Variants in RIMS2 observed in about 807,000 individuals in gnomAD.
The protein encoded by RIMS2 is regulating synaptic membrane exocytosis 2.
Under a neutral mutation model 174.4 loss-of-function variants are expected in RIMS2, and 59 were observed. The observed-to-expected ratio is 0.34, with a 90% CI of 0.27 to 0.42. The LOEUF is 0.42. Among genes scored for constraint, RIMS2 ranks in the 10% least tolerant of loss-of-function variants. The probability of loss-of-function intolerance (pLI) is 1.00; values close to 1 mark genes in which losing one functional copy is unlikely to be tolerated. For synonymous variants in RIMS2, 606 were observed against 572.5 expected, an observed-to-expected ratio of 1.06 and a Z score of -0.84; for missense variants, 1,620 against 1,666.3, an observed-to-expected ratio of 0.97 and a Z score of 0.48.
chr8:103,820,113 G>C (rs1337598828), intron 3 of RIMS2, among the ~76,000 whole-genome samples: 1 of 152,056 alleles, frequency 6.6e-6, no homozygotes, highest in East Asian at 1.9e-4. Context: ...ATATATTGTG[G>C]AACCGCGAAT....
chr8:103,631,008 T>C (rs1000536974), intron 1 of RIMS2, among the ~76,000 whole-genome samples: 2 of 152,248 alleles, frequency 1.3e-5, no homozygotes, highest in African/African-American at 4.8e-5. Flanking sequence ...TACTTGTAGA[T>C]GTTGGATATT....
chr8:103,914,715 G>C (rs541998648), intron 6 of RIMS2, among the ~76,000 whole-genome samples: 9 of 152,216 alleles, frequency 5.9e-5, no homozygotes, highest in African/African-American at 1.9e-4. Flanking sequence ...ACTCTATTTA[G>C]AAGAGAAAAA....
At chr8:103,705,703 T>A (rs2097216586) in intron 2 of RIMS2, among the ~76,000 whole-genome samples, 1 of 152,032 alleles carries the variant, frequency 6.6e-6, no homozygotes, top group African/African-American at 2.4e-5. Flanking sequence ...ATAATGCCAT[T>A]TTTACAGTTT....
rs183993225 is a variant in RIMS2, at chr8:103,653,231, A to G, written c.177-43855A>G. On this transcript the variant is annotated intron_variant, in intron 1 of 23. Coordinates refer to ENST00000504942, the Ensembl canonical transcript of RIMS2. The stretch of plus-strand genomic sequence containing the variant: ...TTTTTACTAAACATTTCATTAGGTT[A>G]TGAAACATAATTTGGGAAATGTGGC... Among the ~76,000 whole-genome samples, 240 of 152,330 alleles carry G rather than the reference A, an allele frequency of 1.6e-3. 2 individuals carry two copies. The highest frequency in any genetic ancestry group is 5.2e-3 in the African/African-American group (218 of 41,580).
chr8:103,858,992 G>A (rs1419994279), intron 3 of RIMS2, among the ~76,000 whole-genome samples: 4 of 151,992 alleles, frequency 2.6e-5, no homozygotes, highest in East Asian at 3.9e-4. Flanking sequence ...ATTAAGGTTC[G>A]AATTAATTTT....
chr8:103,717,116 G>C (rs1309729700), intron 2 of RIMS2, among the ~76,000 whole-genome samples: 1 of 143,810 alleles, frequency 7.0e-6, no homozygotes, highest in Non-Finnish European at 1.5e-5. Flanking sequence ...TCATTCAGCT[G>C]ATAGTTTCTA....
At chr8:103,904,646 T>A (rs1353228739) in intron 4 of RIMS2, among the ~76,000 whole-genome samples, 1 of 152,088 alleles carries the variant, frequency 6.6e-6, no homozygotes, top group Non-Finnish European at 1.5e-5. Flanking sequence ...CTTCATTTGG[T>A]CATAGTGTAT....
chr8:103,930,650 T>C (rs887217208), intron 11 of RIMS2, among the ~76,000 whole-genome samples: 2 of 152,106 alleles, frequency 1.3e-5, no homozygotes, highest in African/African-American at 2.4e-5. Flanking sequence ...AAGGATATTA[T>C]TCATCAACTT....
chr8:103,543,841 A>G (rs1285594115), intron 1 of RIMS2, among the ~76,000 whole-genome samples: 1 of 152,242 alleles, frequency 6.6e-6, no homozygotes, highest in Non-Finnish European at 1.5e-5. Flanking sequence ...TGCAAAAATT[A>G]ACTCAAAATG....
chr8:103,518,245 T>C (rs1777212147), intron 1 of RIMS2, among the ~76,000 whole-genome samples: 1 of 152,004 alleles, frequency 6.6e-6, no homozygotes. Context: ...AATGACTGTA[T>C]AAATAATTTA....
intron 1 of RIMS2, among the ~76,000 whole-genome samples, chr8:103,530,950 T>C (rs893095305): frequency 8.6e-5 from 13 of 151,804 alleles, no homozygotes; most frequent in Non-Finnish European, 1.6e-4. Flanking sequence ...TTTAGGTACC[T>C]TTCTGTCTGT....
chr8:103,610,576 C>T (rs1359027156), intron 1 of RIMS2, among the ~76,000 whole-genome samples: 1 of 152,160 alleles, frequency 6.6e-6, no homozygotes, highest in Non-Finnish European at 1.5e-5. Context: ...TTTCCTGCCT[C>T]TATTGCGATA....
At chr8:103,698,979 G>A (rs1590634661) in intron 2 of RIMS2, among the ~76,000 whole-genome samples, 1 of 152,124 alleles carries the variant, frequency 6.6e-6, no homozygotes, top group African/African-American at 2.4e-5. Context: ...ATGTGGGCAT[G>A]CAATTTTATT....
At chr8:103,548,100 A>G (rs1161118242) in intron 1 of RIMS2, among the ~76,000 whole-genome samples, 1 of 152,168 alleles carries the variant, frequency 6.6e-6, no homozygotes, top group Non-Finnish European at 1.5e-5. Flanking sequence ...GATCTGGTAC[A>G]ATTTCTGCTG....
intron 19 of RIMS2, among the ~76,000 whole-genome samples, chr8:104,043,191 A>T (rs78268805): frequency 0.014 from 1,934 of 140,362 alleles, 54 homozygotes; most frequent in African/African-American, 0.051. Context: ...AAGGGAAAGG[A>T]GATGGAAAAG....
intron 14 of RIMS2, among the ~76,000 whole-genome samples, chr8:103,946,143 G>A (rs1165766268): frequency 1.3e-5 from 2 of 152,168 alleles, no homozygotes; most frequent in African/African-American, 4.8e-5. Context: ...AAGGTCCCGA[G>A]ATACATGAAC....
At chr8:103,992,272 C>CTTTTTTT (rs1208246715) in intron 17 of RIMS2, among the ~76,000 whole-genome samples, 1 of 84,288 alleles carries the variant, frequency 1.2e-5, no homozygotes, top group African/African-American at 4.0e-5. Context: ...CCATGTCCAG[C>CTTTTTTT]TATTTTTTTT....
intron 4 of RIMS2, among the ~76,000 whole-genome samples, chr8:103,896,432 T>G (rs1333131720): frequency 6.6e-6 from 1 of 151,692 alleles, no homozygotes; most frequent in African/African-American, 2.4e-5. Context: ...TATCTGTTGT[T>G]ATTATCTGAA....
At chr8:103,960,087 A>T (rs906666658) in intron 14 of RIMS2, among the ~76,000 whole-genome samples, 1 of 152,230 alleles carries the variant, frequency 6.6e-6, no homozygotes, top group Non-Finnish European at 1.5e-5. Flanking sequence ...TAAAAGATCG[A>T]CAAAATTGAT....
Sources: gnomAD v4.1 joint callset for allele counts (sites outside exome capture counted in the v4.1 genomes callset) on GRCh38, gnomAD v4.1.1 for gene constraint, MANE v1.5 for transcripts, NCBI Gene and HGNC (gene_info 2026-07-23, HGNC 2026-07-21) for gene names.